Variants in NEK4 observed in about 807,000 individuals in gnomAD.
NEK4 encodes NIMA related kinase 4, also known as serine/threonine-protein kinase Nek4.
NEK4 carries 86 observed loss-of-function variants against 98.4 expected under a neutral mutation model. That is an observed-to-expected ratio of 0.87 (90% CI 0.73 to 1.05). The LOEUF (loss-of-function observed/expected upper bound fraction) is 1.05, where lower values mean the gene tolerates loss of function less well. Ranked by LOEUF, NEK4 falls within the 50% of genes least tolerant of loss-of-function variation. The pLI, the probability that NEK4 is intolerant of heterozygous loss-of-function variation, is 0.00. For synonymous variants in NEK4, 328 were observed against 342.2 expected, an observed-to-expected ratio of 0.96 and a Z score of 0.46; for missense variants, 898 against 950.3, an observed-to-expected ratio of 0.94 and a Z score of 0.72.
Position 52,711,833 on chromosome 3 carries a change from T to G in NEK4, c.2470A>C (p.Thr824Pro). The G allele has an allele frequency of 1.2e-6, 2 of 1,610,596 alleles. No individual in the cohort carries two copies. The highest frequency in any genetic ancestry group is 1.7e-6 in the Non-Finnish European group (2 of 1,177,928). Residue 824 changes from threonine (T) to proline (P), a missense_variant, in exon 16 of 16, where the codon ACT (threonine) becomes CCT (proline). Coordinates refer to ENST00000233027, the MANE Select transcript of NEK4 (RefSeq NM_003157.6). ...AACTGGCGAGCTTTCACACTGTAAG[T>G]TGTATACTTTTCACCCATGTGCTCC... ...LREHMGEKYT[T>P]YSVKARQLKF...
At chr3:52,730,478 A>G (rs1319432351) in intron 15 of NEK4, among the ~76,000 whole-genome samples, 1 of 152,246 alleles carries the variant, frequency 6.6e-6, no homozygotes, top group Non-Finnish European at 1.5e-5. Flanking sequence ...AGACAGGGAC[A>G]CTACAGGAAA....
At chr3:52,712,756 C>G (rs530187812) in intron 15 of NEK4, among the ~76,000 whole-genome samples, 86 of 152,138 alleles carry the variant, frequency 5.7e-4, no homozygotes, top group African/African-American at 2.0e-3. Flanking sequence ...GGTCGATGGC[C>G]TGCTGGCATG....
intron 10 of NEK4, among the ~76,000 whole-genome samples, chr3:52,745,555 G>A (rs2097394609): frequency 1.3e-5 from 2 of 151,560 alleles, no homozygotes; most frequent in South Asian, 4.2e-4. Flanking sequence ...CTCCAGCCTG[G>A]GCAACAGAGC....
intron 4 of NEK4, 38 bp downstream of exon 4, chr3:52,765,848 AT>A: frequency 2.4e-6 from 3 of 1,239,574 alleles, no homozygotes; most frequent in Non-Finnish European, 3.6e-6. Flanking sequence ...AAGCTGCACT[AT>A]AGAAATACTG....
In NEK4 at chr3:52,737,682, A is replaced by T. The variant is rs2097378567; in HGVS notation, c.2337T>A (p.Val779=). The part of the protein sequence containing the change: ...MPGSEKIRRL[V]EVLRTDVIRG... ...GAATTACATCAGTTCTCAAGACTTC[A>T]ACTAGTCTCCTGATCTTTTCAGAAC... is the stretch of plus-strand genomic sequence containing the variant. Residue 779 remains valine (V), a synonymous_variant, in exon 15 of 16, where the codon GTT becomes GTA. Coordinates refer to ENST00000233027, the MANE Select transcript of NEK4 (RefSeq NM_003157.6). 1 of 1,614,000 alleles carries T rather than the reference A, an allele frequency of 6.2e-7. No homozygotes were observed. Among genetic ancestry groups the T allele is most frequent in the East Asian group, 2.2e-5 (1 of 44,878 alleles).
At chr3:52,767,477 C>T (rs1417872478) in intron 2 of NEK4, among the ~76,000 whole-genome samples, 1 of 151,694 alleles carries the variant, frequency 6.6e-6, no homozygotes, top group African/African-American at 2.4e-5. Flanking sequence ...TTTGGGAGGC[C>T]GAGGCAGGTG....
At chr3:52,758,141 T>C (rs1481843752) in intron 6 of NEK4, among the ~76,000 whole-genome samples, 2 of 126,706 alleles carry the variant, frequency 1.6e-5, no homozygotes, top group Non-Finnish European at 1.5e-5. Flanking sequence ...ATCATGCCAC[T>C]GCACTCCAGC....
chr3:52,741,094 G>A (rs979732855), intron 13 of NEK4, among the ~76,000 whole-genome samples: 2 of 151,982 alleles, frequency 1.3e-5, no homozygotes, highest in African/African-American at 4.8e-5. Flanking sequence ...AAACTAGCCG[G>A]GCATGGTGGC....
intron 7 of NEK4, among the ~76,000 whole-genome samples, chr3:52,751,563 G>A (rs1300691216): frequency 7.9e-5 from 12 of 151,970 alleles, no homozygotes; most frequent in Admixed American, 7.9e-4. Context: ...AGAGGTTGCA[G>A]TGAGCCGAGA....
intron 15 of NEK4, among the ~76,000 whole-genome samples, chr3:52,731,536 C>T (rs900356799): frequency 6.6e-6 from 1 of 152,186 alleles, no homozygotes; most frequent in African/African-American, 2.4e-5. Context: ...TGATTTTTAA[C>T]AAGGTGAGAA....
intron 15 of NEK4, among the ~76,000 whole-genome samples, chr3:52,715,371 C>T (rs1009893856): frequency 4.6e-5 from 7 of 152,284 alleles, no homozygotes; most frequent in East Asian, 1.9e-4. Flanking sequence ...GTGCCCCCTG[C>T]GGATCTCCTC....
At chr3:52,733,652 CATCTTCTA>C in intron 15 of NEK4, 1 of 479,006 alleles carries the variant, frequency 2.1e-6, no homozygotes, top group Non-Finnish European at 4.2e-6. Context: ...ACTTATGGCC[CATCTTCTA>C]ATCCATACTG....
Position 52,746,869 on chromosome 3 carries a change from C to G in NEK4, c.1542G>C (p.Gln514His). The stretch of plus-strand genomic sequence containing the variant: ...GCTGTAAATCTGGGTGGATTCTGCC[C>G]TGTTTTTCTATAATACATTCACCAG... ...QVAGECIIEK[Q>H]GRIHPDLQPH... is the part of the protein sequence containing the mutation. Residue 514 changes from glutamine (Q) to histidine (H), a missense_variant, in exon 9 of 16, where the codon CAG becomes CAC. Transcript: ENST00000233027. The G allele has an allele frequency of 6.2e-7, 1 of 1,613,962 alleles. No homozygotes were observed. The highest frequency in any genetic ancestry group is 8.5e-7 in the Non-Finnish European group (1 of 1,179,916).
rs114607982 is a variant in NEK4 at position 52,760,775 on chromosome 3, C to T, written c.963+20G>A. 87 of 1,579,620 alleles carry T rather than the reference C, an allele frequency of 5.5e-5. No homozygotes were observed. The highest frequency in any genetic ancestry group is 6.9e-5 in the Non-Finnish European group (80 of 1,159,672). On this transcript the variant is annotated intron_variant, in intron 6 of 15. Coordinates refer to ENST00000233027, the MANE Select transcript of NEK4 (RefSeq NM_003157.6). ...CTAAGTGCAGTTTCTAAAACACATACCCTTTAAAAAGAAACGTACCATTAT... is the reference window on the plus strand; with the variant it reads ...CTAAGTGCAGTTTCTAAAACACATATCCTTTAAAAAGAAACGTACCATTAT...
At chr3:52,759,630 G>T (rs1698281200) in intron 6 of NEK4, among the ~76,000 whole-genome samples, 1 of 152,130 alleles carries the variant, frequency 6.6e-6, no homozygotes, top group South Asian at 2.1e-4. Context: ...ACTGCTGATG[G>T]GAATGTCAAA....
At position 52,737,694 on chromosome 3, in the gene NEK4, G is replaced by A. The variant is rs755054625; in HGVS notation, c.2325C>T (p.Ile775=). 17 of 1,613,506 alleles carry A rather than the reference G, an allele frequency of 1.1e-5. No homozygotes were observed. Among genetic ancestry groups the A allele is most frequent in the Middle Eastern group, 3.3e-4 (2 of 6,062 alleles). The change falls in exon 15 of 16, where the codon ATC becomes ATT. Residue 775 remains isoleucine (I), a synonymous_variant. Transcript: ENST00000233027. ...TTCTCAAGACTTCAACTAGTCTCCT[G>A]ATCTTTTCAGAACCTGGCATAATAG... ...PSAIMPGSEK[I]RRLVEVLRTD... is the part of the protein sequence containing the mutation.
intron 7 of NEK4, among the ~76,000 whole-genome samples, chr3:52,751,101 G>A (rs1262504092): frequency 2.6e-5 from 4 of 151,524 alleles, no homozygotes; most frequent in Admixed American, 6.6e-5. Context: ...ACCTGAGGTC[G>A]GGAGTTCGAG....
Position 52,768,608 on chromosome 3 carries a change from AAAAC to A in NEK4, c.94-8_94-5del. On this transcript the variant is annotated splice_region_variant and splice_polypyrimidine_tract_variant and intron_variant, in intron 1 of 15. Coordinates refer to ENST00000233027, the MANE Select transcript of NEK4 (RefSeq NM_003157.6). ...GGTTCAGTTTTTTGATGACATACTA[AAAAC>A]AAACCATGTATTTTTACAATGTGCA... The A allele has an allele frequency of 6.2e-7, 1 of 1,612,572 alleles. No homozygotes were observed. The highest frequency in any genetic ancestry group is 8.5e-7 in the Non-Finnish European group (1 of 1,178,908).
At chr3:52,725,790 CAG>C (rs1267346994) in intron 15 of NEK4, among the ~76,000 whole-genome samples, 1 of 150,844 alleles carries the variant, frequency 6.6e-6, no homozygotes, top group African/African-American at 2.4e-5. Flanking sequence ...CAAAAGAAGA[CAG>C]TAATGCAGGA....
Sources: gnomAD v4.1 joint callset for allele counts (sites outside exome capture counted in the v4.1 genomes callset) on GRCh38, gnomAD v4.1.1 for gene constraint, MANE v1.5 for transcripts, NCBI Gene and HGNC (gene_info 2026-07-23, HGNC 2026-07-21) for gene names.